ZFP2: variants seen among roughly 807,000 people sequenced by gnomAD.
The protein encoded by ZFP2 is ZFP2 zinc finger protein.
In ZFP2, 33 loss-of-function variants were observed where a neutral mutation model predicts 36.1. The observed-to-expected ratio is 0.92, with a 90% CI of 0.69 to 1.22. The LOEUF (loss-of-function observed/expected upper bound fraction) is 1.22, where lower values mean the gene tolerates loss of function less well. Among genes scored for constraint, ZFP2 ranks in the 50% most tolerant of loss-of-function variants. ZFP2 has a pLI of 0.00. For missense variants in ZFP2, 522 were observed against 551.4 expected (o/e 0.95, Z 0.53); for synonymous variants, 170 against 178.0 (o/e 0.96, Z 0.36).
intron 1 of ZFP2, among the ~76,000 whole-genome samples, chr5:178,906,592 G>T (rs759111465): frequency 2.6e-5 from 4 of 151,874 alleles, no homozygotes; most frequent in Non-Finnish European, 5.9e-5. Flanking sequence ...GTCTCACTCT[G>T]TTGCCTAGGC....
chr5:178,908,770 G>T (rs900831572), intron 1 of ZFP2, among the ~76,000 whole-genome samples: 3 of 151,996 alleles, frequency 2.0e-5, no homozygotes, highest in African/African-American at 7.2e-5. Context: ...AAAAAATGAA[G>T]AAAGTGCCTA....
chr5:178,910,512 G>C (rs1758272586), intron 1 of ZFP2: 1 of 589,784 alleles, frequency 1.7e-6, no homozygotes, highest in Non-Finnish European at 3.2e-6. Flanking sequence ...CCTGCACCCT[G>C]CCTGCTGTGT....
chr5:178,908,451 A>AG (rs1448408554), intron 1 of ZFP2, among the ~76,000 whole-genome samples: 3 of 151,854 alleles, frequency 2.0e-5, no homozygotes, highest in South Asian at 4.2e-4. Context: ...CATCTCAAAA[A>AG]AAAAAAAAAT....
rs538888314 is a variant in ZFP2, at chr5:178,929,187, C to G, written c.-77-2050C>G. On this transcript the variant is annotated intron_variant, in intron 4 of 4. Coordinates refer to ENST00000361362, the MANE Select transcript of ZFP2 (RefSeq NM_030613.4). ...GTGGAAGGGGCTGCTGTGAAGGTCT[C>G]TGAAATGCCTTTGAGGCCTTTTCCC... 2.0e-5 allele frequency among the ~76,000 whole-genome samples: 3 copies of G among 152,378 alleles called. No homozygotes were observed. In the East Asian group the frequency reaches 5.8e-4, roughly 29 times the overall value.
chr5:178,920,097 C>T (rs1161787411), intron 4 of ZFP2, among the ~76,000 whole-genome samples: 1 of 152,176 alleles, frequency 6.6e-6, no homozygotes, highest in Non-Finnish European at 1.5e-5. Context: ...TTTTTCAGCA[C>T]CAAACATTTT....
intron 3 of ZFP2, among the ~76,000 whole-genome samples, chr5:178,913,639 A>G (rs757302269): frequency 6.6e-6 from 1 of 152,048 alleles, no homozygotes; most frequent in Non-Finnish European, 1.5e-5. Flanking sequence ...TTTCTTTCTC[A>G]TTCCCAAAAT....
At chr5:178,904,272 T>C (rs1365339148) in intron 1 of ZFP2, among the ~76,000 whole-genome samples, 1 of 152,108 alleles carries the variant, frequency 6.6e-6, no homozygotes, top group African/African-American at 2.4e-5. Context: ...AGAGGCAAGA[T>C]CTCCTTCTCT....
At chr5:178,922,473 C>T in intron 4 of ZFP2, 1 of 1,376,380 alleles carries the variant, frequency 7.3e-7, no homozygotes, top group South Asian at 1.2e-5. Flanking sequence ...AACCTCAAAG[C>T]ATGGCTAAGA....
intron 4 of ZFP2, among the ~76,000 whole-genome samples, chr5:178,930,758 G>A (rs1679232558): frequency 6.6e-6 from 1 of 152,152 alleles, no homozygotes; most frequent in Non-Finnish European, 1.5e-5. Flanking sequence ...TTTACATTGT[G>A]TCACACTGTG....
At chr5:178,899,706 G>C (rs1201698049) in intron 1 of ZFP2, among the ~76,000 whole-genome samples, 1 of 151,960 alleles carries the variant, frequency 6.6e-6, no homozygotes, top group Non-Finnish European at 1.5e-5. Context: ...ATGGAGCTGG[G>C]ATAGTAGGTG....
In ZFP2 at chr5:178,926,537, G is replaced by T. The variant is rs1460162387; in HGVS notation, c.-77-4700G>T. Reference sequence around the variant, plus strand: ...GCTGGTATTTTCTTTTTTTTTTTGAGATGGAGTCTCGCTGTGTCGCCCAGG... The same window carrying T: ...GCTGGTATTTTCTTTTTTTTTTTGATATGGAGTCTCGCTGTGTCGCCCAGG... On this transcript the variant is annotated intron_variant, in intron 4 of 4. Coordinates refer to ENST00000361362, the MANE Select transcript of ZFP2 (RefSeq NM_030613.4). Among the ~76,000 whole-genome samples the T allele has an allele frequency of 2.7e-5, 4 of 149,108 alleles. No individual in the cohort carries two copies. The East Asian group carries it at 7.9e-4, about 29-fold the overall frequency.
intron 4 of ZFP2, among the ~76,000 whole-genome samples, chr5:178,924,242 G>A (rs1203090639): frequency 1.4e-5 from 2 of 147,314 alleles, no homozygotes; most frequent in Non-Finnish European, 3.0e-5. Flanking sequence ...GCATGGTGGC[G>A]GGCACCTATA....
chr5:178,919,175 A>AT (rs5873641), intron 4 of ZFP2, among the ~76,000 whole-genome samples: 68,534 of 151,972 alleles, frequency 0.45, 15,530 homozygotes, highest in Admixed American at 0.51. Flanking sequence ...TTGTTTTTGA[A>AT]CACGAATGGA....
intron 4 of ZFP2, among the ~76,000 whole-genome samples, chr5:178,926,441 G>T (rs1198859021): frequency 6.6e-6 from 1 of 151,982 alleles, no homozygotes; most frequent in African/African-American, 2.4e-5. Context: ...TGTTCCCAAA[G>T]AACTTGAGTT....
Position 178,931,587 on chromosome 5 carries a change from A to C in ZFP2, c.274A>C (p.Thr92Pro). 6.2e-7 allele frequency: 1 copy of C among 1,614,168 alleles called. No individual in the cohort carries two copies. The highest frequency in any genetic ancestry group is 1.7e-5 in the Admixed American group (1 of 60,028). ...CACACAAAATTCTGAGTTAATTAAAACTCAAAGAATGTTTGTAGGAAAGAA... is the reference window on the plus strand; with the variant it reads ...CACACAAAATTCTGAGTTAATTAAACCTCAAAGAATGTTTGTAGGAAAGAA... ...DATQNSELIK[T>P]QRMFVGKKIY... Residue 92 changes from threonine (T) to proline (P), a missense_variant, in exon 5 of 5, where the codon ACT becomes CCT. Thr to Pro is a conservative substitution (Grantham distance 38). Coordinates refer to ENST00000361362, the MANE Select transcript of ZFP2 (RefSeq NM_030613.4).
intron 4 of ZFP2, among the ~76,000 whole-genome samples, chr5:178,929,533 G>A (rs1758773718): frequency 6.6e-6 from 1 of 152,168 alleles, no homozygotes; most frequent in Non-Finnish European, 1.5e-5. Flanking sequence ...TACAGCCAAG[G>A]TCTTTGCTAA....
chr5:178,924,385 AAAAG>A (rs1478399657), intron 4 of ZFP2, among the ~76,000 whole-genome samples: 10 of 147,800 alleles, frequency 6.8e-5, no homozygotes, highest in African/African-American at 2.4e-4. Context: ...AAAAAAAAAA[AAAAG>A]AAACCTGCCC....
chr5:178,897,203 T>C (rs1010371677), intron 1 of ZFP2, among the ~76,000 whole-genome samples: 1 of 152,192 alleles, frequency 6.6e-6, no homozygotes, highest in African/African-American at 2.4e-5. Context: ...AGTTGCAGTT[T>C]ATATAAACAC....
intron 4 of ZFP2, among the ~76,000 whole-genome samples, chr5:178,920,337 A>G (rs756606255): frequency 3.6e-4 from 55 of 152,214 alleles, no homozygotes; most frequent in Non-Finnish European, 2.9e-4. Context: ...ATAAGTGTTT[A>G]TATATTAAAA....
Sources: allele counts gnomAD v4.1 joint callset (sites outside exome capture counted in the v4.1 genomes callset), GRCh38; gene constraint gnomAD v4.1.1; transcripts MANE v1.5; gene names NCBI Gene and HGNC (gene_info 2026-07-23, HGNC 2026-07-21).